The following FAM53A variants were observed in gnomAD, a reference collection of about 807,000 sequenced individuals.
FAM53A encodes family with sequence similarity 53 member A, also known as protein FAM53A.
FAM53A carries 28 observed loss-of-function variants against 26.6 expected under a neutral mutation model. The ratio of observed to expected loss-of-function variants is 1.05; its 90% CI spans 0.78 to 1.45. The LOEUF is 1.45. FAM53A is among the 40% of genes most tolerant of loss of function. The probability of loss-of-function intolerance (pLI) is 0.00; values close to 1 mark genes in which losing one functional copy is unlikely to be tolerated. For missense variants in FAM53A, 650 were observed against 575.8 expected, an observed-to-expected ratio of 1.13 and a Z score of -1.32; for synonymous variants, 290 against 253.1, an observed-to-expected ratio of 1.15 and a Z score of -1.38.
the FAM53A span, among the ~76,000 whole-genome samples, chr4:1,576,315 C>T: frequency 0.057 from 8,657 of 152,248 alleles, 820 homozygotes; most frequent in African/African-American, 0.2. Context: ...AGTGCTCACT[C>T]GGAAAGTGAC....
intron 4 of FAM53A, chr4:1,644,197 G>T (rs1438621644): frequency 3.3e-6 from 5 of 1,535,942 alleles, no homozygotes; most frequent in Non-Finnish European, 4.4e-6. Context: ...ACCTTCAGGG[G>T]CCAGGTTTCC....
At chr4:1,609,117 G>A in the FAM53A span, among the ~76,000 whole-genome samples, 9 of 152,096 alleles carry the variant, frequency 5.9e-5, 2 homozygotes, top group Admixed American at 1.3e-4. Flanking sequence ...CTAGGCCTCT[G>A]GGAGAGAGGG....
chr4:1,674,366 T>C (rs1413511829), intron 1 of FAM53A, among the ~76,000 whole-genome samples: 2 of 152,136 alleles, frequency 1.3e-5, no homozygotes, highest in African/African-American at 4.8e-5. Flanking sequence ...CATCTTAATG[T>C]ACATTAATTG....
At chr4:1,594,472 G>A in the FAM53A span, among the ~76,000 whole-genome samples, 12 of 152,188 alleles carry the variant, frequency 7.9e-5, no homozygotes, top group African/African-American at 2.7e-4. Context: ...CACGGTGGGG[G>A]TATTACTGTC....
chr4:1,626,795 A>G (rs1023217549), intron 1 of FAM53A, among the ~76,000 whole-genome samples: 3 of 152,192 alleles, frequency 2.0e-5, no homozygotes, highest in African/African-American at 7.2e-5. Flanking sequence ...TCAGCCTGGC[A>G]GTGCCAACAC....
At chr4:1,650,609 A>G (rs1712692516) in intron 4 of FAM53A, among the ~76,000 whole-genome samples, 1 of 151,820 alleles carries the variant, frequency 6.6e-6, no homozygotes, top group African/African-American at 2.4e-5. Flanking sequence ...GATTCTCCTG[A>G]CTCAGCCTCC....
rs1713219164 is a variant in FAM53A, at chr4:1,655,162, C to T, written c.698G>A (p.Gly233Asp). The T allele has an allele frequency of 7.6e-6, 12 of 1,575,194 alleles. No individual in the cohort carries two copies. The highest frequency in any genetic ancestry group is 9.4e-6 in the Non-Finnish European group (11 of 1,165,552). ...GCTGCTGGCCCAGGGCAGGGGAGTG[C>T]CCGCACCCGCGAGTCGCTCCTGTGA... ...SLSQERLAGA[G>D]TPLPWASSSP... Residue 233 changes from glycine (G) to aspartate (D), a missense_variant, in exon 4 of 5, where the codon GGC becomes GAC. Physicochemically the swap from Gly to Asp is moderately conservative, Grantham distance 94 (BLOSUM62 -1). Transcript: ENST00000308132.
intron 1 of FAM53A, among the ~76,000 whole-genome samples, chr4:1,675,022 C>T (rs1714945512): frequency 6.7e-6 from 1 of 148,288 alleles, no homozygotes. Context: ...AGAAGGATGC[C>T]GTAGGACCCC....
chr4:1,591,625 G>C, the FAM53A span, among the ~76,000 whole-genome samples: 2 of 152,210 alleles, frequency 1.3e-5, no homozygotes, highest in Admixed American at 1.3e-4. Context: ...GAATAGGTAG[G>C]TCCTGGTTCC....
At chr4:1,651,625 T>C (rs4865455) in intron 4 of FAM53A, among the ~76,000 whole-genome samples, 57,817 of 151,450 alleles carry the variant, frequency 0.38, 11,811 homozygotes, top group Middle Eastern at 0.55. Context: ...TGAGGCAGAA[T>C]AACCGGGGTC....
chr4:1,585,890 A>T, the FAM53A span, among the ~76,000 whole-genome samples: 1 of 151,612 alleles, frequency 6.6e-6, no homozygotes, highest in African/African-American at 2.4e-5. Flanking sequence ...ACACCTGGCT[A>T]ATTTGTGTGT....
In FAM53A at chr4:1,641,221, C is replaced by G; in HGVS notation, c.*72G>C. 3.3e-6 allele frequency: 5 copies of G among 1,500,730 alleles called. 1 individual carries two copies. Among genetic ancestry groups the G allele is most frequent in the Non-Finnish European group, 4.5e-6 (5 of 1,104,064 alleles). 93.0% of individuals were successfully genotyped at this position (1,500,730 alleles called of 1,614,324 possible). ...TGCCGGGCCGTGGCCCCGACCAGCTCACAGGAAACCTACTCTGTGCCCCAG... is the reference window on the plus strand; with the variant it reads ...TGCCGGGCCGTGGCCCCGACCAGCTGACAGGAAACCTACTCTGTGCCCCAG... On this transcript the variant is annotated 3_prime_UTR_variant, in exon 5 of 5. Coordinates refer to ENST00000308132, the MANE Select transcript of FAM53A (RefSeq NM_001174070.3).
downstream of FAM53A, among the ~76,000 whole-genome samples, chr4:1,635,076 T>C (rs1179086713): frequency 6.6e-6 from 1 of 152,182 alleles, no homozygotes; most frequent in Admixed American, 6.5e-5. Context: ...CTCTAAGTCA[T>C]TCATAATATC....
chr4:1,620,156 G>C (rs2108741394), intron 1 of FAM53A, among the ~76,000 whole-genome samples: 1 of 151,374 alleles, frequency 6.6e-6, no homozygotes, highest in South Asian at 2.1e-4. Flanking sequence ...GCAGTGAGCT[G>C]AGATCGTGCC....
intron 1 of FAM53A, among the ~76,000 whole-genome samples, chr4:1,680,801 A>C (rs987753010): frequency 1.1e-4 from 17 of 152,010 alleles, no homozygotes; most frequent in African/African-American, 1.2e-4. Flanking sequence ...AACAAACAAA[A>C]AAAAAACCGT....
chr4:1,602,398 G>A, the FAM53A span, among the ~76,000 whole-genome samples: 291 of 152,332 alleles, frequency 1.9e-3, no homozygotes, highest in African/African-American at 6.6e-3. Context: ...ACAGGCTGGG[G>A]TCTCTGGCCC....
At chr4:1,577,252 A>G in the FAM53A span, among the ~76,000 whole-genome samples, 2 of 152,180 alleles carry the variant, frequency 1.3e-5, no homozygotes, top group Non-Finnish European at 2.9e-5. Context: ...CATGTGCCAG[A>G]CGAATGGACC....
In FAM53A at chr4:1,655,200, G is replaced by A; in HGVS notation, c.660C>T (p.Arg220=). Residue 220 remains arginine (R), a synonymous_variant, in exon 4 of 5, where the codon CGC becomes CGT. Coordinates refer to ENST00000308132, the MANE Select transcript of FAM53A (RefSeq NM_001174070.3). ...GTCGCTCCTGTGAGAGGGACGGGCG[G>A]CGCCTCGTGGAGGGCAAGCAGGACT... ...SAESCLPSTR[R]RPSLSQERLA... is the part of the protein sequence containing the mutation. 1 of 1,558,202 alleles carries A rather than the reference G, an allele frequency of 6.4e-7. No homozygotes were observed. Among genetic ancestry groups the A allele is most frequent in the Non-Finnish European group, 8.6e-7 (1 of 1,160,616 alleles).
chr4:1,617,956 G>T, exon 2 of FAM53A: 1 of 437,740 alleles, frequency 2.3e-6, no homozygotes, highest in Middle Eastern at 3.5e-4. Context: ...AGAAGTCGCT[G>T]CGATGGTGCC....
Sources: allele counts gnomAD v4.1 joint callset (sites outside exome capture counted in the v4.1 genomes callset), GRCh38; gene constraint gnomAD v4.1.1; transcripts MANE v1.5; gene names NCBI Gene and HGNC (gene_info 2026-07-23, HGNC 2026-07-21).